F7: variants seen among roughly 807,000 people sequenced by gnomAD.
F7 encodes coagulation factor VII, also known as FVII coagulation protein.
Under a neutral mutation model 47.5 loss-of-function variants are expected in F7, and 38 were observed. The ratio of observed to expected loss-of-function variants is 0.80; its 90% CI spans 0.62 to 1.05. The LOEUF is 1.05. Among genes scored for constraint, F7 ranks in the 50% least tolerant of loss-of-function variants. The pLI, the probability that F7 is intolerant of heterozygous loss-of-function variation, is 0.00. For synonymous variants in F7, 244 were observed against 258.5 expected (o/e 0.94, Z 0.54); for missense variants, 575 against 605.4 (o/e 0.95, Z 0.53).
chr13:113,119,132 G>A lies in F7; in HGVS notation c.*124G>A, dbSNP rs2036255859. ...GGCATGGGAGGGAGGGAGAGGTGGGGAGGGAGACAGAGACAGAAACAGAGA... is the reference window on the plus strand; with the variant it reads ...GGCATGGGAGGGAGGGAGAGGTGGGAAGGGAGACAGAGACAGAAACAGAGA... On this transcript the variant is annotated 3_prime_UTR_variant, in exon 8 of 8. Coordinates refer to ENST00000346342, the MANE Select transcript of F7 (RefSeq NM_019616.4). The A allele has an allele frequency of 4.0e-6, 3 of 752,234 alleles. 1 individual carries two copies. Among genetic ancestry groups the A allele is most frequent in the Non-Finnish European group, 6.6e-6 (3 of 456,340 alleles). 46.6% of individuals were successfully genotyped at this position (752,234 alleles called of 1,614,324 possible). A position where few individuals can be genotyped will look rare whatever the true frequency, so the allele number is the denominator to read the frequency against.
intron 7 of F7, 27 bp downstream of exon 7, chr13:113,117,623 C>T (rs759624845): frequency 3.3e-6 from 5 of 1,514,440 alleles, no homozygotes; most frequent in African/African-American, 3.0e-5. Context: ...CCTGTCCGAC[C>T]GCGGTGCTGG....
Position 113,113,885 on chromosome 13 carries a change from G to A in F7, c.289G>A (p.Gly97Ser). 1 of 1,614,160 alleles carries A rather than the reference G, an allele frequency of 6.2e-7. No individual in the cohort carries two copies. Among genetic ancestry groups the A allele is most frequent in the South Asian group, 1.1e-5 (1 of 91,082 alleles). ...QCASSPCQNG[G>S]SCKDQLQSYI... ...TGCCTCAAGTCCATGCCAGAATGGGGGCTCCTGCAAGGACCAGCTCCAGTC... is the reference window on the plus strand; with the variant it reads ...TGCCTCAAGTCCATGCCAGAATGGGAGCTCCTGCAAGGACCAGCTCCAGTC... The change falls in exon 4 of 8, where the codon GGC becomes AGC. Residue 97 changes from glycine (G) to serine (S), a missense_variant. Coordinates refer to ENST00000346342, the MANE Select transcript of F7 (RefSeq NM_019616.4). This position sits in a 1 kb window ranked among gnomAD's most constrained non-coding sequence, Gnocchi z 4.1.
At chr13:113,106,851 T>C in intron 1 of F7, 1 of 1,600,780 alleles carries the variant, frequency 6.2e-7, no homozygotes, top group African/African-American at 1.3e-5. Context: ...CCAGGCGGGG[T>C]CGCTAAGGCC....
intron 1 of F7, chr13:113,110,384 G>A: frequency 3.0e-6 from 1 of 334,306 alleles, no homozygotes; most frequent in Non-Finnish European, 5.4e-6. Context: ...GCATCGACCC[G>A]CAGCCTCACG....
intron 6 of F7, 48 bp from the exon 7 acceptor site, chr13:113,117,425 A>G (rs2036212485): frequency 6.2e-7 from 1 of 1,608,146 alleles, no homozygotes; most frequent in Non-Finnish European, 8.5e-7. Flanking sequence ...GTCATCAGAG[A>G]AACAATGACA....
At chr13:113,110,612 C>T in intron 1 of F7, 78 bp from the exon 2 acceptor site, 2 of 1,533,552 alleles carry the variant, frequency 1.3e-6, no homozygotes, top group Non-Finnish European at 8.8e-7. Flanking sequence ...GATGCCCCCG[C>T]CGCGTGGGCC....
chr13:113,118,851 CGT>C lies in F7; in HGVS notation c.1180_1181del (p.Trp394ValfsTer109). The C allele has an allele frequency of 2.5e-6, 4 of 1,612,804 alleles. No individual in the cohort carries two copies. Among genetic ancestry groups the C allele is most frequent in the Non-Finnish European group, 3.4e-6 (4 of 1,179,970 alleles). ...CCACATGCCACCCACTACCGGGGCACGTGGTACCTGACGGGCATCGTCAGCTG... is the reference window on the plus strand; with the variant it reads ...CCACATGCCACCCACTACCGGGGCACGGTACCTGACGGGCATCGTCAGCTG... On this transcript the variant is annotated frameshift_variant, in exon 8 of 8. Coordinates refer to ENST00000346342, the MANE Select transcript of F7 (RefSeq NM_019616.4). LOFTEE classifies it high-confidence loss of function.
In F7 at chr13:113,113,863, C is replaced by G. The variant is rs1413553155; in HGVS notation, c.267C>G (p.Ala89=). 1 of 1,614,088 alleles carries G rather than the reference C, an allele frequency of 6.2e-7. No individual in the cohort carries two copies. Among genetic ancestry groups the G allele is most frequent in the African/African-American group, 1.3e-5 (1 of 74,932 alleles). Residue 89 remains alanine (A), a synonymous_variant, in exon 4 of 8, where the codon GCC becomes GCG. Coordinates refer to ENST00000346342, the MANE Select transcript of F7 (RefSeq NM_019616.4). This position sits in a 1 kb window ranked among gnomAD's most constrained non-coding sequence, Gnocchi z 4.1. ...WISYSDGDQC[A]SSPCQNGGSC... ...ACTCCACAGATGGGGACCAGTGTGC[C>G]TCAAGTCCATGCCAGAATGGGGGCT... is the stretch of plus-strand genomic sequence containing the variant.
At chr13:113,107,992 A>T (rs1462446285) in intron 1 of F7, among the ~76,000 whole-genome samples, 1 of 7,864 alleles carries the variant, frequency 1.3e-4, no homozygotes, top group Admixed American at 1.6e-3. Flanking sequence ...TCCGGAGGTG[A>T]GGGTGTCCCG....
At chr13:113,106,789 G>C in intron 1 of F7, 1 of 1,525,458 alleles carries the variant, frequency 6.6e-7, no homozygotes. Flanking sequence ...GGGATGTGGG[G>C]CTGCAGCCCT....
intron 4 of F7, 69 bp from the exon 5 acceptor site, chr13:113,115,591 G>C: frequency 1.3e-6 from 2 of 1,562,924 alleles, no homozygotes; most frequent in Non-Finnish European, 1.7e-6. Context: ...CCAGGGCATG[G>C]CCACCCCGGG....
intron 4 of F7, 36 bp from the exon 5 acceptor site, chr13:113,115,624 G>T: frequency 1.2e-6 from 2 of 1,607,872 alleles, no homozygotes; most frequent in Non-Finnish European, 1.7e-6. Context: ...CTGACCCCCA[G>T]AAGCCCCTCT....
intron 4 of F7, 142 bp from the exon 5 acceptor site, chr13:113,115,518 C>G (rs2036177659): frequency 9.1e-6 from 8 of 880,342 alleles, no homozygotes; most frequent in Non-Finnish European, 1.3e-5. Context: ...GCAGGTGGTG[C>G]CAAGCTCAGG....
intron 1 of F7, among the ~76,000 whole-genome samples, chr13:113,109,794 G>A (rs776785273): frequency 3.2e-4 from 49 of 152,126 alleles, no homozygotes; most frequent in Admixed American, 6.5e-4. Context: ...CGGGGCGGGG[G>A]TCACTCTCCA....
rs373731019 is a variant in F7, at chr13:113,118,904, C to T, written c.1231C>T (p.His411Tyr). 3.7e-6 allele frequency: 6 copies of T among 1,612,056 alleles called. No homozygotes were observed. The African/African-American group carries it at 8.0e-5, about 22-fold the overall frequency. ...SWGQGCATVGHFGVYTRVSQY... is the reference protein window; with the variant it reads ...SWGQGCATVGYFGVYTRVSQY... ...GGGCCAGGGCTGCGCAACCGTGGGC[C>T]ACTTTGGGGTGTACACCAGGGTCTC... Residue 411 changes from histidine to tyrosine, a missense_variant, in exon 8 of 8, where the codon CAC (histidine) becomes TAC (tyrosine). Physicochemically the swap from His to Tyr is moderately conservative, Grantham distance 83. Coordinates refer to ENST00000346342, the MANE Select transcript of F7 (RefSeq NM_019616.4).
At position 113,114,682 on chromosome 13, in the gene F7, AC is replaced by A. The variant is rs1454216111; in HGVS notation, c.364+724del. 1.9e-5 allele frequency: 3 copies of A among 154,632 alleles called. No individual in the cohort carries two copies. In the East Asian group the frequency reaches 5.8e-4, roughly 30 times the overall value. 9.6% of individuals were successfully genotyped at this position (154,632 alleles called of 1,614,324 possible). Reference sequence around the variant, plus strand: ...ACCCAGCTGACCACCCGCATGGCTGACCTCAGTCTCAGCCCCTCCAGAGGCT... The same window carrying A: ...ACCCAGCTGACCACCCGCATGGCTGACTCAGTCTCAGCCCCTCCAGAGGCT... On this transcript the variant is annotated intron_variant, in intron 4 of 7. Transcript: ENST00000346342.
chr13:113,118,835 AC>A lies in F7; in HGVS notation c.1165del (p.His389ThrfsTer8), dbSNP rs1286252061. 6.2e-7 allele frequency: 1 copy of A among 1,612,726 alleles called. No individual in the cohort carries two copies. Among genetic ancestry groups the A allele is most frequent in the Non-Finnish European group, 8.5e-7 (1 of 1,179,956 alleles). ...CKGDSGGPHA[T>X]HYRGTWYLTG... ...GGGGGACAGTGGAGGCCCACATGCC[AC>A]CCACTACCGGGGCACGTGGTACCTG... On this transcript the variant is annotated frameshift_variant, in exon 8 of 8. Transcript: ENST00000346342. LOFTEE classifies it high-confidence loss of function.
intron 5 of F7, 140 bp downstream of exon 5, chr13:113,115,940 T>A: frequency 7.7e-7 from 1 of 1,300,244 alleles, no homozygotes. Context: ...TGAGGTGGGA[T>A]CTGGGCACCA....
chr13:113,113,695 C>G lies in F7; in HGVS notation c.226-57C>G. The G allele has an allele frequency of 1.9e-6, 3 of 1,564,338 alleles. No individual in the cohort carries two copies. The highest frequency in any genetic ancestry group is 2.6e-6 in the Non-Finnish European group (3 of 1,134,746). ...CAGTTCATGGTGTGTCCAGTGCTTA[C>G]CGTTGGGTGCTCTGGTGAAGGTGCA... is the stretch of plus-strand genomic sequence containing the variant. On this transcript the variant is annotated intron_variant, in intron 2 of 7. Transcript: ENST00000346342. The surrounding 1 kb of genome is among the most constrained non-coding windows in gnomAD (Gnocchi z 4.1).
Sources: allele counts gnomAD v4.1 joint callset (sites outside exome capture counted in the v4.1 genomes callset), GRCh38; gene constraint gnomAD v4.1.1; non-coding constraint Gnocchi (gnomAD v3.1); transcripts MANE v1.5; gene names NCBI Gene and HGNC (gene_info 2026-07-23, HGNC 2026-07-21).